IMMP2L: variants seen among roughly 807,000 people sequenced by gnomAD.
IMMP2L encodes the protein inner mitochondrial membrane peptidase subunit 2, also known as mitochondrial inner membrane protease subunit 2.
IMMP2L carries 18 observed loss-of-function variants against 19.3 expected under a neutral mutation model. That is an observed-to-expected ratio of 0.93 (90% confidence interval 0.64 to 1.38). The LOEUF (loss-of-function observed/expected upper bound fraction) is 1.38. Among genes scored for constraint, IMMP2L ranks in the 40% most tolerant of loss-of-function variants. IMMP2L has a pLI of 0.00. For synonymous variants in IMMP2L, 76 were observed against 73.0 expected (o/e 1.04, Z -0.21); for missense variants, 233 against 218.2 (o/e 1.07, Z -0.43).
chr7:111,225,506 T>C (rs1006709180), intron 3 of IMMP2L, among the ~76,000 whole-genome samples: 1 of 151,644 alleles, frequency 6.6e-6, no homozygotes, highest in Non-Finnish European at 1.5e-5. Flanking sequence ...GATTTTGGAG[T>C]GAGAAAATAC....
chr7:111,377,507 CTA>C (rs1249466165), intron 3 of IMMP2L, among the ~76,000 whole-genome samples: 1 of 151,970 alleles, frequency 6.6e-6, no homozygotes, highest in Admixed American at 6.6e-5. Context: ...TCCCTCCATT[CTA>C]TGTCATTCTA....
At chr7:111,278,845 A>T (rs1049837731) in intron 3 of IMMP2L, among the ~76,000 whole-genome samples, 2 of 152,202 alleles carry the variant, frequency 1.3e-5, no homozygotes, top group Non-Finnish European at 2.9e-5. Flanking sequence ...CAGAAATTAG[A>T]TTTAAAACTC....
In IMMP2L at chr7:111,495,525, C is replaced by T. The variant is rs1025109936; in HGVS notation, c.136-8184G>A. On this transcript the variant is annotated intron_variant, in intron 2 of 5. Transcript: ENST00000405709. ...GAAGGATTTTTATTTGTCCTACAAA[C>T]AAATATTATTGTCAAGGTATCCTAA... is the stretch of plus-strand genomic sequence containing the variant. 3.9e-5 allele frequency among the ~76,000 whole-genome samples: 6 copies of T among 152,098 alleles called. No individual in the cohort carries two copies. In the South Asian group the frequency reaches 1.2e-3, roughly 32 times the overall value.
At chr7:111,004,583 C>T (rs1824089505) in intron 3 of IMMP2L, among the ~76,000 whole-genome samples, 1 of 75,434 alleles carries the variant, frequency 1.3e-5, no homozygotes, top group Non-Finnish European at 3.0e-5. Flanking sequence ...CAAAATAGAT[C>T]TTCTGATGAG....
At chr7:111,535,964 G>A (rs1299323524) in intron 1 of IMMP2L, among the ~76,000 whole-genome samples, 1 of 152,100 alleles carries the variant, frequency 6.6e-6, no homozygotes, top group African/African-American at 2.4e-5. Context: ...GGTGGGGAAG[G>A]TTTAAGATGA....
intron 3 of IMMP2L, among the ~76,000 whole-genome samples, chr7:111,017,324 A>T (rs1175507824): frequency 6.6e-6 from 1 of 151,850 alleles, no homozygotes; most frequent in Non-Finnish European, 1.5e-5. Context: ...TGGGCCTCCC[A>T]AAGTACTGGG....
At chr7:111,355,600 T>C (rs181978079) in intron 3 of IMMP2L, among the ~76,000 whole-genome samples, 295 of 151,608 alleles carry the variant, frequency 1.9e-3, no homozygotes, top group Middle Eastern at 3.6e-3. Context: ...AGAAAAACAA[T>C]AAAAAAACAG....
At chr7:111,445,441 A>C (rs999015174) in intron 3 of IMMP2L, among the ~76,000 whole-genome samples, 1 of 152,056 alleles carries the variant, frequency 6.6e-6, no homozygotes, top group Non-Finnish European at 1.5e-5. Context: ...TACATACATA[A>C]GTTTAAACTG....
intron 5 of IMMP2L, among the ~76,000 whole-genome samples, chr7:110,741,240 C>T (rs906136075): frequency 6.6e-6 from 1 of 152,166 alleles, no homozygotes; most frequent in Non-Finnish European, 1.5e-5. Context: ...GAAAACCAAA[C>T]ATTGTATGTT....
chr7:110,715,595 C>G (rs991498848), intron 5 of IMMP2L, among the ~76,000 whole-genome samples: 1 of 152,058 alleles, frequency 6.6e-6, no homozygotes, highest in Non-Finnish European at 1.5e-5. Flanking sequence ...CTTCTTGGTA[C>G]TGATTTCTAT....
At chr7:111,329,185 G>C (rs1219129361) in intron 3 of IMMP2L, among the ~76,000 whole-genome samples, 2 of 151,806 alleles carry the variant, frequency 1.3e-5, no homozygotes, top group African/African-American at 4.8e-5. Context: ...TGCATTAATA[G>C]AGAGGATTCT....
At chr7:110,836,591 T>C (rs1804505103) in intron 5 of IMMP2L, among the ~76,000 whole-genome samples, 1 of 152,110 alleles carries the variant, frequency 6.6e-6, no homozygotes, top group Non-Finnish European at 1.5e-5. Flanking sequence ...AATAAACCTC[T>C]TTCTTTTGTA....
intron 3 of IMMP2L, among the ~76,000 whole-genome samples, chr7:111,290,051 C>G (rs1820920413): frequency 6.6e-6 from 1 of 152,086 alleles, no homozygotes. Flanking sequence ...AATTTCAAAC[C>G]TACTTATTAT....
chr7:111,350,187 C>G (rs1172867235), intron 3 of IMMP2L, among the ~76,000 whole-genome samples: 1 of 151,724 alleles, frequency 6.6e-6, no homozygotes, highest in Admixed American at 6.6e-5. Context: ...AGGCTGGTCT[C>G]GAAATCCTGA....
At chr7:111,379,207 A>T (rs1346896830) in intron 3 of IMMP2L, among the ~76,000 whole-genome samples, 1 of 87,114 alleles carries the variant, frequency 1.1e-5, no homozygotes, top group Non-Finnish European at 2.4e-5. Context: ...CCCTTATGGT[A>T]AAAAAAAAAA....
chr7:111,553,053 T>C (rs1301498681), intron 1 of IMMP2L, among the ~76,000 whole-genome samples: 4 of 152,072 alleles, frequency 2.6e-5, no homozygotes, highest in Non-Finnish European at 5.9e-5. Flanking sequence ...GACAGCAACC[T>C]CCAGAGAACC....
intron 5 of IMMP2L, among the ~76,000 whole-genome samples, chr7:110,863,098 T>C (rs1357524816): frequency 6.6e-6 from 1 of 152,120 alleles, no homozygotes; most frequent in Non-Finnish European, 1.5e-5. Flanking sequence ...AAATCCTCTG[T>C]TAGAATCCAT....
chr7:111,004,195 G>A (rs1035281754), intron 3 of IMMP2L, among the ~76,000 whole-genome samples: 9 of 151,858 alleles, frequency 5.9e-5, no homozygotes, highest in Admixed American at 2.6e-4. Context: ...AACTTCATAG[G>A]GTTGCCATGA....
At chr7:111,084,488 G>T (rs934191521) in intron 3 of IMMP2L, among the ~76,000 whole-genome samples, 1 of 151,966 alleles carries the variant, frequency 6.6e-6, no homozygotes, top group East Asian at 1.9e-4. Flanking sequence ...ATGGATGCAC[G>T]GATAAAGAGA....
Sources: gnomAD v4.1 joint callset for allele counts (sites outside exome capture counted in the v4.1 genomes callset) on GRCh38, gnomAD v4.1.1 for gene constraint, MANE v1.5 for transcripts, NCBI Gene and HGNC (gene_info 2026-07-23, HGNC 2026-07-21) for gene names.